The following ADGRL3 variants were observed in gnomAD, a reference collection of about 807,000 sequenced individuals.
ADGRL3 encodes the protein adhesion G protein-coupled receptor L3, also known as calcium-independent alpha-latrotoxin receptor 3.
In ADGRL3, 62 loss-of-function variants were observed where a neutral mutation model predicts 153.5. The ratio of observed to expected loss-of-function variants is 0.40; its 90% confidence interval spans 0.33 to 0.50. The LOEUF (loss-of-function observed/expected upper bound fraction) is 0.50, where lower values mean the gene tolerates loss of function less well. ADGRL3 is among the 20% of genes least tolerant of loss of function. The pLI is 0.47. For missense variants in ADGRL3, 1,641 were observed against 1,859.4 expected, an observed-to-expected ratio of 0.88 and a Z score of 2.16; for synonymous variants, 710 against 672.5, an observed-to-expected ratio of 1.06 and a Z score of -0.86.
chr4:61,739,736 C>G (rs1472514333), intron 8 of ADGRL3, among the ~76,000 whole-genome samples: 4 of 152,164 alleles, frequency 2.6e-5, no homozygotes, highest in Non-Finnish European at 5.9e-5. Context: ...CCTGTACCAC[C>G]AGCTTCTCCC....
At chr4:61,882,298 C>T (rs1405002534) in intron 9 of ADGRL3, among the ~76,000 whole-genome samples, 1 of 152,134 alleles carries the variant, frequency 6.6e-6, no homozygotes, top group Non-Finnish European at 1.5e-5. Flanking sequence ...TACCATGTGC[C>T]AGTGAGTATC....
intron 8 of ADGRL3, among the ~76,000 whole-genome samples, chr4:61,783,158 G>A (rs934144089): frequency 2.6e-5 from 4 of 152,036 alleles, no homozygotes; most frequent in African/African-American, 9.7e-5. Context: ...TTTGCCTGAG[G>A]GCCAAACAGA....
At chr4:62,032,944 G>A (rs1355583041) in intron 23 of ADGRL3, among the ~76,000 whole-genome samples, 1 of 151,460 alleles carries the variant, frequency 6.6e-6, no homozygotes, top group Non-Finnish European at 1.5e-5. Context: ...TTAAAAAGAG[G>A]TTGTTTTAAA....
chr4:61,216,482 T>C (rs564454040), intron 1 of ADGRL3, among the ~76,000 whole-genome samples: 13 of 152,292 alleles, frequency 8.5e-5, no homozygotes, highest in African/African-American at 3.1e-4. Flanking sequence ...CAGAAGTGTA[T>C]ACCTTGAGTG....
At chr4:61,563,990 A>G (rs1488400381) in intron 4 of ADGRL3, among the ~76,000 whole-genome samples, 2 of 152,162 alleles carry the variant, frequency 1.3e-5, no homozygotes, top group Non-Finnish European at 2.9e-5. Context: ...GCCTGGTGAC[A>G]GAGCGAGACT....
chr4:61,972,394 G>A (rs1423022179), intron 17 of ADGRL3, among the ~76,000 whole-genome samples: 3 of 152,106 alleles, frequency 2.0e-5, no homozygotes, highest in African/African-American at 7.2e-5. Flanking sequence ...AGTTTTCCCA[G>A]CACCATTTAT....
chr4:61,430,775 A>C (rs2097346890), intron 2 of ADGRL3, among the ~76,000 whole-genome samples: 1 of 152,232 alleles, frequency 6.6e-6, no homozygotes, highest in South Asian at 2.1e-4. Context: ...TTCACCACTA[A>C]ATGACTATGT....
At chr4:61,770,498 A>G (rs1358641565) in intron 8 of ADGRL3, among the ~76,000 whole-genome samples, 1 of 152,180 alleles carries the variant, frequency 6.6e-6, no homozygotes, top group African/African-American at 2.4e-5. Flanking sequence ...ATCTATTATC[A>G]TAGATTTAAG....
chr4:61,830,338 T>C (rs572719561), intron 9 of ADGRL3, among the ~76,000 whole-genome samples: 1 of 152,262 alleles, frequency 6.6e-6, no homozygotes, highest in Admixed American at 6.5e-5. Context: ...TACTCCAGCC[T>C]GGGCAACAGA....
chr4:61,544,569 TC>T (rs2098705145), intron 4 of ADGRL3, among the ~76,000 whole-genome samples: 1 of 152,210 alleles, frequency 6.6e-6, no homozygotes, highest in Non-Finnish European at 1.5e-5. Context: ...TTCTGTTTTT[TC>T]CCTTTTGGTT....
intron 5 of ADGRL3, among the ~76,000 whole-genome samples, chr4:61,612,671 A>AT (rs2091514178): frequency 6.6e-6 from 1 of 152,224 alleles, no homozygotes; most frequent in South Asian, 2.1e-4. Context: ...CATTTGGAAA[A>AT]TGAAGTATGT....
chr4:61,776,764 A>G (rs991511474), intron 8 of ADGRL3, among the ~76,000 whole-genome samples: 10 of 152,206 alleles, frequency 6.6e-5, no homozygotes, highest in African/African-American at 2.2e-4. Context: ...GAAAAAGAAA[A>G]TTCAGTTGCT....
intron 2 of ADGRL3, among the ~76,000 whole-genome samples, chr4:61,437,262 AT>A (rs1396640534): frequency 1.5e-5 from 2 of 137,066 alleles, no homozygotes; most frequent in Non-Finnish European, 3.1e-5. Flanking sequence ...TATAAAACAT[AT>A]GCAAGATAAT....
chr4:61,726,445 C>T (rs1301826668), intron 6 of ADGRL3, among the ~76,000 whole-genome samples: 1 of 151,916 alleles, frequency 6.6e-6, no homozygotes, highest in African/African-American at 2.4e-5. Context: ...GTGATCCACC[C>T]ACCTCGAACT....
intron 1 of ADGRL3, among the ~76,000 whole-genome samples, chr4:61,275,776 G>C (rs190250544): frequency 1.3e-5 from 2 of 152,224 alleles, no homozygotes; most frequent in African/African-American, 4.8e-5. Context: ...CTGGGCATTT[G>C]GTTACTTACA....
chr4:61,795,415 C>CATTT (rs1185678230), intron 8 of ADGRL3, among the ~76,000 whole-genome samples: 8 of 152,178 alleles, frequency 5.3e-5, no homozygotes, highest in Admixed American at 2.6e-4. Flanking sequence ...CTGTGGGCCG[C>CATTT]AACCTATATT....
intron 2 of ADGRL3, among the ~76,000 whole-genome samples, chr4:61,389,867 G>A (rs1472757324): frequency 2.0e-5 from 3 of 152,094 alleles, no homozygotes; most frequent in Non-Finnish European, 4.4e-5. Context: ...TCTGGCATTC[G>A]AATGATAGCT....
intron 5 of ADGRL3, among the ~76,000 whole-genome samples, chr4:61,646,274 T>C (rs544070888): frequency 1.7e-4 from 26 of 152,330 alleles, no homozygotes; most frequent in African/African-American, 6.0e-4. Flanking sequence ...TGAAGCCTTC[T>C]TCTCTCAGCT....
intron 15 of ADGRL3, among the ~76,000 whole-genome samples, chr4:61,939,604 G>C (rs1003765664): frequency 3.9e-5 from 6 of 151,972 alleles, no homozygotes; most frequent in Admixed American, 3.3e-4. Context: ...TGAGTAGCTG[G>C]GATTACAAGC....
Sources: allele counts gnomAD v4.1 joint callset (sites outside exome capture counted in the v4.1 genomes callset), GRCh38; gene constraint gnomAD v4.1.1; transcripts MANE v1.5; gene names NCBI Gene and HGNC (gene_info 2026-07-23, HGNC 2026-07-21).